The following PPP2CB variants were observed in gnomAD, a reference collection of about 807,000 sequenced individuals.
The protein encoded by PPP2CB is serine/threonine-protein phosphatase 2A catalytic subunit beta isoform.
Under a neutral mutation model 39.1 loss-of-function variants are expected in PPP2CB, and 18 were observed. The ratio of observed to expected loss-of-function variants is 0.46; its 90% CI spans 0.32 to 0.68. PPP2CB has a LOEUF of 0.68. Among genes scored for constraint, PPP2CB ranks in the 30% least tolerant of loss-of-function variants. PPP2CB has a pLI of 0.04. For missense variants in PPP2CB, 226 were observed against 396.9 expected, an observed-to-expected ratio of 0.57 and a Z score of 3.66; for synonymous variants, 129 against 133.8, an observed-to-expected ratio of 0.96 and a Z score of 0.25.
In PPP2CB at chr8:30,812,444, T is replaced by C; in HGVS notation, c.-23A>G. 1 of 1,493,874 alleles carries C rather than the reference T, an allele frequency of 6.7e-7. No homozygotes were observed. Among genetic ancestry groups the C allele is most frequent in the African/African-American group, 1.4e-5 (1 of 69,436 alleles). The allele number at this position is 1,493,874 out of a possible 1,614,324, so 92.5% of individuals were successfully genotyped here. A position where few individuals can be genotyped will look rare whatever the true frequency, so the allele number is the denominator to read the frequency against. On this transcript the variant is annotated 5_prime_UTR_variant, in exon 1 of 7. Coordinates refer to ENST00000221138, the MANE Select transcript of PPP2CB (RefSeq NM_001009552.2). ...CATGGCGGCCCGATCCCGATGCGGA[T>C]CCCGAGCCCCAGCCCGGCCGCCGCC...
chr8:30,795,139 T>G (rs1806499953), intron 3 of PPP2CB, among the ~76,000 whole-genome samples: 1 of 149,552 alleles, frequency 6.7e-6, no homozygotes, highest in Non-Finnish European at 1.5e-5. Context: ...TTTTTTTTTT[T>G]GAGACGGAGT....
chr8:30,802,044 CT>C (rs1240823665), intron 1 of PPP2CB, among the ~76,000 whole-genome samples: 3 of 152,188 alleles, frequency 2.0e-5, no homozygotes, highest in Admixed American at 2.0e-4. Context: ...TGATTCTAGG[CT>C]ACCATGTATT....
In PPP2CB at chr8:30,812,804, C is replaced by A. The variant is rs1298490632; in HGVS notation, c.-383G>T. On this transcript the variant is annotated 5_prime_UTR_variant, in exon 1 of 7. Coordinates refer to ENST00000221138, the MANE Select transcript of PPP2CB (RefSeq NM_001009552.2). Reference sequence around the variant, plus strand: ...CGCCTACCGGCCTCTCCCGACTTGTCTTTCCCCTTCTCTCGCTCTTTCTCT... The same window carrying A: ...CGCCTACCGGCCTCTCCCGACTTGTATTTCCCCTTCTCTCGCTCTTTCTCT... The A allele has an allele frequency of 6.5e-6, 3 of 461,344 alleles. No homozygotes were observed. Among genetic ancestry groups the A allele is most frequent in the South Asian group, 4.6e-5 (3 of 64,598 alleles). The allele number at this position is 461,344 out of a possible 1,614,324, so 28.6% of individuals were successfully genotyped here.
At chr8:30,787,761 G>T (rs1234197241) in intron 6 of PPP2CB, among the ~76,000 whole-genome samples, 1 of 152,122 alleles carries the variant, frequency 6.6e-6, no homozygotes, top group Admixed American at 6.6e-5. Context: ...TAGGGACAAG[G>T]TCCTGCTATG....
chr8:30,808,982 C>T (rs1806773056), intron 1 of PPP2CB, among the ~76,000 whole-genome samples: 1 of 143,062 alleles, frequency 7.0e-6, no homozygotes, highest in African/African-American at 2.7e-5. Flanking sequence ...TGGAGTGCAG[C>T]GGTATGATCA....
intron 6 of PPP2CB, among the ~76,000 whole-genome samples, chr8:30,787,501 G>A (rs142289303): frequency 6.6e-6 from 1 of 152,148 alleles, no homozygotes; most frequent in African/African-American, 2.4e-5. Context: ...CACCACACCA[G>A]GTTAATTTTT....
Position 30,791,287 on chromosome 8 carries a change from A to G in PPP2CB, c.767T>C (p.Val256Ala). 1 of 1,612,108 alleles carries G rather than the reference A, an allele frequency of 6.2e-7. No homozygotes were observed. Among genetic ancestry groups the G allele is most frequent in the Non-Finnish European group, 8.5e-7 (1 of 1,179,386 alleles). The change falls in exon 6 of 7, where the codon GTG becomes GCG. Residue 256 changes from valine to alanine, a missense_variant. Around this residue, in one of 4 missense-constraint regions of PPP2CB, gnomAD observed 56 missense variants for 92.0 expected, o/e 0.61. Transcript: ENST00000221138. ...EGYNWCHDRN[V>A]VTIFSAPNYC... is the part of the protein sequence containing the mutation. The stretch of plus-strand genomic sequence containing the variant: ...ATTGGGTGCACTGAAAATGGTAACC[A>G]CATTCCGATCATGACACCAATTGTA...
rs5890534 is a variant in PPP2CB, at chr8:30,789,049, C to CTT, written c.857+2146_857+2147dup. 6.1e-4 allele frequency among the ~76,000 whole-genome samples: 83 copies of CTT among 137,004 alleles called. No homozygotes were observed. In the Middle Eastern group the frequency reaches 0.012, roughly 19 times the overall value. The allele number at this position is 137,004 out of a possible 152,430, so 89.9% of individuals were successfully genotyped here. A position where few individuals can be genotyped will look rare whatever the true frequency, so the allele number is the denominator to read the frequency against. ...CTGTGGCCCTGCTCGGATGTTTTTA[C>CTT]TTTTTTTTTTTTTTTTTGAGTTTCA... On this transcript the variant is annotated intron_variant, in intron 6 of 6. Transcript: ENST00000221138.
At chr8:30,795,854 CAT>C (rs1430818364) in intron 3 of PPP2CB, among the ~76,000 whole-genome samples, 7 of 152,188 alleles carry the variant, frequency 4.6e-5, no homozygotes, top group South Asian at 2.1e-4. Context: ...CGAGCTCCTG[CAT>C]AGTTATAATT....
At chr8:30,794,377 T>C in intron 3 of PPP2CB, 96 bp from the exon 4 acceptor site, 2 of 1,022,704 alleles carry the variant, frequency 2.0e-6, no homozygotes, top group Admixed American at 2.2e-5. Context: ...GTCCAAATAG[T>C]GCCAACATTT....
At chr8:30,806,046 AT>A (rs1217819037) in intron 1 of PPP2CB, among the ~76,000 whole-genome samples, 9,387 of 137,196 alleles carry the variant, frequency 0.068, 279 homozygotes, top group Non-Finnish European at 0.098. Flanking sequence ...GGTTAATATG[AT>A]TTTTTTTTTT....
Position 30,797,643 on chromosome 8 carries a change from C to A in PPP2CB, c.424G>T (p.Val142Phe). 6.2e-7 allele frequency: 1 copy of A among 1,613,918 alleles called. No homozygotes were observed. The highest frequency in any genetic ancestry group is 8.5e-7 in the Non-Finnish European group (1 of 1,179,864). ...ECLRKYGNAN[V>F]WKYFTDLFDY... is the part of the protein sequence containing the mutation. ...AAGAGATCTGTAAAATATTTCCAAACGTTGGCATTCCCATACTTTCGCAGA... is the reference window on the plus strand; with the variant it reads ...AAGAGATCTGTAAAATATTTCCAAAAGTTGGCATTCCCATACTTTCGCAGA... Residue 142 changes from valine (V) to phenylalanine (F), a missense_variant, in exon 3 of 7, where the codon GTT (valine) becomes TTT (phenylalanine). Physicochemically the swap from Val to Phe is conservative, Grantham distance 50. This residue lies in a region of PPP2CB where 110 missense variants were observed against 244.1 expected (regional missense o/e 0.45). Coordinates refer to ENST00000221138, the MANE Select transcript of PPP2CB (RefSeq NM_001009552.2).
At position 30,797,261 on chromosome 8, in the gene PPP2CB, A is replaced by C. The variant is rs957868036; in HGVS notation, c.486+320T>G. Among the ~76,000 whole-genome samples, 102 of 152,356 alleles carry C rather than the reference A, an allele frequency of 6.7e-4. 1 individual carries two copies. The highest frequency in any genetic ancestry group is 2.4e-3 in the African/African-American group (99 of 41,580). On this transcript the variant is annotated intron_variant, in intron 3 of 6. Coordinates refer to ENST00000221138, the MANE Select transcript of PPP2CB (RefSeq NM_001009552.2). ...TGTATATGCAGAGATAGTTTTAAATAACATCTTGCTTTGCTAGTACTATAC... is the reference window on the plus strand; with the variant it reads ...TGTATATGCAGAGATAGTTTTAAATCACATCTTGCTTTGCTAGTACTATAC...
Position 30,800,348 on chromosome 8 carries a change from G to A in PPP2CB, c.103-593C>T, listed in dbSNP as rs1806598862. On this transcript the variant is annotated intron_variant, in intron 1 of 6. Coordinates refer to ENST00000221138, the MANE Select transcript of PPP2CB (RefSeq NM_001009552.2). Reference sequence around the variant, plus strand: ...ATGTCCAGAATAGGCAAATCTTCAAGGCAGAAGGTCTGTGTTTTAAAAAGA... The same window carrying A: ...ATGTCCAGAATAGGCAAATCTTCAAAGCAGAAGGTCTGTGTTTTAAAAAGA... Among the ~76,000 whole-genome samples the A allele has an allele frequency of 2.0e-5, 3 of 152,094 alleles. No homozygotes were observed. In the South Asian group the frequency reaches 6.2e-4, roughly 32 times the overall value.
chr8:30,797,047 C>T (rs1210272343), intron 3 of PPP2CB, among the ~76,000 whole-genome samples: 2 of 151,858 alleles, frequency 1.3e-5, no homozygotes, highest in Admixed American at 6.6e-5. Flanking sequence ...CAGGGTCTTA[C>T]TACATTGCCC....
chr8:30,804,239 T>C (rs1806680559), intron 1 of PPP2CB, among the ~76,000 whole-genome samples: 1 of 152,198 alleles, frequency 6.6e-6, no homozygotes, highest in Admixed American at 6.5e-5. Context: ...TGTATTTTGG[T>C]ATTGCCATTT....
At chr8:30,798,480 T>C (rs1806561618) in intron 2 of PPP2CB, among the ~76,000 whole-genome samples, 1 of 152,234 alleles carries the variant, frequency 6.6e-6, no homozygotes, top group African/African-American at 2.4e-5. Flanking sequence ...AGTACAGTCA[T>C]GTGCTGGGCA....
intron 3 of PPP2CB, among the ~76,000 whole-genome samples, chr8:30,795,763 A>G (rs1322746688): frequency 1.3e-5 from 2 of 152,336 alleles, no homozygotes; most frequent in Admixed American, 6.5e-5. Flanking sequence ...GCCAATTTTA[A>G]TAACTGGTAT....
intron 6 of PPP2CB, among the ~76,000 whole-genome samples, chr8:30,789,786 GC>G (rs1386313082): frequency 1.3e-5 from 2 of 152,218 alleles, no homozygotes; most frequent in Non-Finnish European, 2.9e-5. Flanking sequence ...TCCTGGGGCT[GC>G]CGTAACAAAT....
Sources: gnomAD v4.1 joint callset for allele counts (sites outside exome capture counted in the v4.1 genomes callset) on GRCh38, gnomAD v4.1.1 for gene constraint, gnomAD v4.1.1 regional missense constraint, MANE v1.5 for transcripts, NCBI Gene and HGNC (gene_info 2026-07-23, HGNC 2026-07-21) for gene names.